Variants in RABGAP1L observed in about 807,000 individuals in gnomAD.
RABGAP1L encodes RAB GTPase activating protein 1 like.
Under a neutral mutation model 137.7 loss-of-function variants are expected in RABGAP1L, and 63 were observed. The observed-to-expected ratio is 0.46, with a 90% CI of 0.37 to 0.56. The LOEUF is 0.56. RABGAP1L is among the 20% of genes least tolerant of loss of function. The pLI, the probability that RABGAP1L is intolerant of heterozygous loss-of-function variation, is 0.00. For synonymous variants in RABGAP1L, 431 were observed against 433.7 expected, an observed-to-expected ratio of 0.99 and a Z score of 0.08; for missense variants, 1,095 against 1,244.0, an observed-to-expected ratio of 0.88 and a Z score of 1.80.
chr1:174,600,913 C>T (rs1207265539), intron 13 of RABGAP1L, among the ~76,000 whole-genome samples: 1 of 152,250 alleles, frequency 6.6e-6, no homozygotes, highest in African/African-American at 2.4e-5. Context: ...TTTGACTCCA[C>T]ATTTCCCTTC....
At chr1:174,835,691 C>T (rs192588409) in intron 19 of RABGAP1L, among the ~76,000 whole-genome samples, 1 of 152,246 alleles carries the variant, frequency 6.6e-6, no homozygotes, top group East Asian at 1.9e-4. Context: ...GATAATAAAA[C>T]TCTGTTCTCA....
At chr1:174,387,985 A>G (rs1686939943) in intron 12 of RABGAP1L, among the ~76,000 whole-genome samples, 1 of 152,090 alleles carries the variant, frequency 6.6e-6, no homozygotes, top group Admixed American at 6.5e-5. Flanking sequence ...CTTTTATACG[A>G]GGATTGTCAA....
chr1:174,504,708 A>G (rs530949467), intron 13 of RABGAP1L, among the ~76,000 whole-genome samples: 12 of 152,326 alleles, frequency 7.9e-5, no homozygotes, highest in South Asian at 6.2e-4. Flanking sequence ...ATTTCATACC[A>G]TATACAAAAA....
At chr1:174,253,828 C>G (rs1025815113) in intron 7 of RABGAP1L, among the ~76,000 whole-genome samples, 1 of 152,090 alleles carries the variant, frequency 6.6e-6, no homozygotes, top group Non-Finnish European at 1.5e-5. Flanking sequence ...AATACAGATG[C>G]CTATTTGGCT....
intron 10 of RABGAP1L, among the ~76,000 whole-genome samples, chr1:174,300,863 C>T (rs539931709): frequency 6.6e-6 from 1 of 152,268 alleles, no homozygotes; most frequent in African/African-American, 2.4e-5. Flanking sequence ...GAGACTCTAT[C>T]TCAAATGAAT....
intron 11 of RABGAP1L, among the ~76,000 whole-genome samples, chr1:174,341,991 A>G (rs186061497): frequency 1.7e-4 from 26 of 152,288 alleles, no homozygotes; most frequent in African/African-American, 6.0e-4. Flanking sequence ...ACAGTTTTTC[A>G]TAGAAATTTG....
At chr1:174,445,428 TTTTA>T (rs1403389508) in intron 13 of RABGAP1L, among the ~76,000 whole-genome samples, 6 of 152,136 alleles carry the variant, frequency 3.9e-5, no homozygotes, top group Admixed American at 6.6e-5. Context: ...TAAGCAATGT[TTTTA>T]TTTATTCTAA....
At chr1:174,622,313 A>G (rs1033140131) in intron 13 of RABGAP1L, among the ~76,000 whole-genome samples, 2 of 152,230 alleles carry the variant, frequency 1.3e-5, no homozygotes, top group African/African-American at 4.8e-5. Flanking sequence ...TCAAGGATCT[A>G]GAACTAGGAA....
At chr1:174,523,003 T>A (rs868623592) in intron 13 of RABGAP1L, among the ~76,000 whole-genome samples, 49 of 152,296 alleles carry the variant, frequency 3.2e-4, no homozygotes, top group African/African-American at 1.2e-3. Flanking sequence ...AGCTGGTGAA[T>A]AGTAGATTGA....
chr1:174,877,446 G>T (rs1653325497), intron 19 of RABGAP1L: 1 of 1,611,404 alleles, frequency 6.2e-7, no homozygotes, highest in South Asian at 1.1e-5. Flanking sequence ...GGATAGTCTG[G>T]TCTGGAGCTG....
At chr1:174,635,688 G>C (rs999328612) in intron 13 of RABGAP1L, among the ~76,000 whole-genome samples, 5 of 152,076 alleles carry the variant, frequency 3.3e-5, no homozygotes, top group Non-Finnish European at 2.9e-5. Context: ...TAAGCCATCA[G>C]AATTTCCTCT....
intron 13 of RABGAP1L, among the ~76,000 whole-genome samples, chr1:174,555,742 A>G (rs1027823759): frequency 6.6e-6 from 1 of 152,138 alleles, no homozygotes; most frequent in Non-Finnish European, 1.5e-5. Flanking sequence ...CTGTGTAAAG[A>G]TGATTTTGAT....
intron 14 of RABGAP1L, among the ~76,000 whole-genome samples, chr1:174,644,880 ACTC>A (rs1284260319): frequency 6.6e-6 from 1 of 151,866 alleles, no homozygotes; most frequent in Non-Finnish European, 1.5e-5. Context: ...GAATTGCCCT[ACTC>A]CTCCTTCCCA....
chr1:174,544,672 A>G (rs1480016743), intron 13 of RABGAP1L, among the ~76,000 whole-genome samples: 1 of 152,196 alleles, frequency 6.6e-6, no homozygotes, highest in East Asian at 1.9e-4. Context: ...TTGGAGGAGA[A>G]GAGGCCCTCT....
At chr1:174,687,996 A>G (rs1050052091) in intron 15 of RABGAP1L, among the ~76,000 whole-genome samples, 1 of 152,188 alleles carries the variant, frequency 6.6e-6, no homozygotes, top group Non-Finnish European at 1.5e-5. Flanking sequence ...AGTTTAGACA[A>G]TGGAAGAATT....
chr1:174,288,964 C>A (rs551833106), intron 10 of RABGAP1L, among the ~76,000 whole-genome samples: 1 of 151,892 alleles, frequency 6.6e-6, no homozygotes, highest in African/African-American at 2.4e-5. Context: ...ATTTTTTATT[C>A]TTCTGCTTGG....
chr1:174,647,528 G>C (rs989268838), intron 14 of RABGAP1L, among the ~76,000 whole-genome samples: 2 of 152,044 alleles, frequency 1.3e-5, no homozygotes, highest in African/African-American at 2.4e-5. Flanking sequence ...TGCATATGTT[G>C]AACAAGCCTT....
intron 13 of RABGAP1L, among the ~76,000 whole-genome samples, chr1:174,543,154 A>C (rs1413749629): frequency 3.9e-5 from 6 of 151,988 alleles, no homozygotes; most frequent in Non-Finnish European, 8.8e-5. Flanking sequence ...ATCCTTGTTA[A>C]CTTTCTGTCT....
At chr1:174,452,708 G>A (rs1309752701) in intron 13 of RABGAP1L, among the ~76,000 whole-genome samples, 2 of 151,900 alleles carry the variant, frequency 1.3e-5, no homozygotes, top group South Asian at 4.1e-4. Flanking sequence ...ACTACAGGCA[G>A]CTGCCACCAC....
Sources: gnomAD v4.1 joint callset for allele counts (sites outside exome capture counted in the v4.1 genomes callset) on GRCh38, gnomAD v4.1.1 for gene constraint, MANE v1.5 for transcripts, NCBI Gene and HGNC (gene_info 2026-07-23, HGNC 2026-07-21) for gene names.